Variants in PCDH15 observed in about 807,000 individuals in gnomAD.
PCDH15 encodes protocadherin related 15, also known as protocadherin-15.
A neutral mutation model predicts 178.5 loss-of-function variants in PCDH15; 129 were observed. The observed-to-expected ratio is 0.72, with a 90% confidence interval of 0.63 to 0.84. The LOEUF (loss-of-function observed/expected upper bound fraction) is 0.84, where lower values mean the gene tolerates loss of function less well. Ranked by LOEUF, PCDH15 falls within the 40% of genes least tolerant of loss-of-function variation. The probability of loss-of-function intolerance (pLI) is 0.00; values close to 1 mark genes in which losing one functional copy is unlikely to be tolerated. For missense variants in PCDH15, 2,230 were observed against 2,099.9 expected, an observed-to-expected ratio of 1.06 and a Z score of -1.21; for synonymous variants, 800 against 732.0, an observed-to-expected ratio of 1.09 and a Z score of -1.50.
At chr10:54,335,721 A>G (rs970959543) in intron 6 of PCDH15, among the ~76,000 whole-genome samples, 1 of 152,088 alleles carries the variant, frequency 6.6e-6, no homozygotes, top group Non-Finnish European at 1.5e-5. Flanking sequence ...TTCTTTATAC[A>G]TTACCCAGTC....
At chr10:54,036,844 A>G (rs2093428532) in intron 18 of PCDH15, among the ~76,000 whole-genome samples, 1 of 152,016 alleles carries the variant, frequency 6.6e-6, no homozygotes, top group African/African-American at 2.4e-5. Context: ...TCTTATGGAA[A>G]TGATTCACCA....
intron 2 of PCDH15, among the ~76,000 whole-genome samples, chr10:55,075,172 A>G (rs931892518): frequency 2.6e-5 from 4 of 151,808 alleles, no homozygotes; most frequent in Non-Finnish European, 5.9e-5. Flanking sequence ...CTTTATCCAA[A>G]CTTGGTAGGG....
At chr10:54,152,284 G>C (rs1311627269) in intron 14 of PCDH15, among the ~76,000 whole-genome samples, 1 of 152,092 alleles carries the variant, frequency 6.6e-6, no homozygotes, top group African/African-American at 2.4e-5. Context: ...TATTCAAACT[G>C]ATGCATGTTG....
At chr10:54,459,749 A>G (rs143617552) in intron 3 of PCDH15, among the ~76,000 whole-genome samples, 40 of 152,308 alleles carry the variant, frequency 2.6e-4, no homozygotes, top group Admixed American at 6.5e-4. Context: ...AATCTATTCC[A>G]GTGCTCAGAT....
intron 6 of PCDH15, among the ~76,000 whole-genome samples, chr10:54,337,904 T>C (rs1171751578): frequency 6.6e-6 from 1 of 152,228 alleles, no homozygotes; most frequent in African/African-American, 2.4e-5. Flanking sequence ...CTGAAATGTG[T>C]CTTAGCTTGA....
At chr10:54,897,821 T>C (rs1003953237) in intron 2 of PCDH15, among the ~76,000 whole-genome samples, 1 of 152,200 alleles carries the variant, frequency 6.6e-6, no homozygotes, top group Non-Finnish European at 1.5e-5. Flanking sequence ...ATGGAAATAA[T>C]GCATAAGGCA....
chr10:54,165,188 C>CAGA (rs35785693), intron 13 of PCDH15, among the ~76,000 whole-genome samples: 1 of 151,880 alleles, frequency 6.6e-6, no homozygotes, highest in Admixed American at 6.6e-5. Context: ...TGCTTTAAAG[C>CAGA]CAAAAAGCAT....
rs1589692280 is a variant in PCDH15, at chr10:53,970,943, G to A, written c.2869-9051C>T. 6.6e-5 allele frequency among the ~76,000 whole-genome samples: 10 copies of A among 152,276 alleles called. No individual in the cohort carries two copies. In the East Asian group the frequency reaches 7.7e-4, roughly 12 times the overall value. Reference sequence around the variant, plus strand: ...AATCCTCCCTAACTCATTTTATGAAGTCAGCATCATCCTGATACTAAAGCT... The same window carrying A: ...AATCCTCCCTAACTCATTTTATGAAATCAGCATCATCCTGATACTAAAGCT... On this transcript the variant is annotated intron_variant, in intron 21 of 37. Coordinates refer to ENST00000644397, the MANE Select transcript of PCDH15 (RefSeq NM_001384140.1).
Position 53,840,356 on chromosome 10 carries a change from T to G in PCDH15, c.3947A>C (p.Gln1316Pro). 1 of 1,614,170 alleles carries G rather than the reference T, an allele frequency of 6.2e-7. No homozygotes were observed. The highest frequency in any genetic ancestry group is 2.2e-5 in the East Asian group (1 of 44,874). Residue 1316 changes from glutamine to proline, a missense_variant, in exon 29 of 38, where the codon CAA (glutamine) becomes CCA (proline). Transcript: ENST00000644397. ...CDLTVYAIDP[Q>P]TNRAIDRNEL... Reference sequence around the variant, plus strand: ...ATTTCTATCGATGGCTCTGTTGGTTTGGGGGTCAATTGCATAGACAGTCAA... The same window carrying G: ...ATTTCTATCGATGGCTCTGTTGGTTGGGGGGTCAATTGCATAGACAGTCAA...
chr10:54,219,272 C>G (rs1398047358), intron 9 of PCDH15, among the ~76,000 whole-genome samples: 2 of 94,988 alleles, frequency 2.1e-5, no homozygotes, highest in Non-Finnish European at 3.8e-5. Context: ...GAGACTTTGT[C>G]TCAAAAAAAA....
intron 2 of PCDH15, among the ~76,000 whole-genome samples, chr10:54,937,391 A>G (rs1837934968): frequency 6.6e-6 from 1 of 152,058 alleles, no homozygotes; most frequent in Admixed American, 6.5e-5. Flanking sequence ...CTGAAATCAT[A>G]GATCAATTAA....
chr10:55,104,300 G>T (rs1360463375), intron 2 of PCDH15, among the ~76,000 whole-genome samples: 4 of 151,784 alleles, frequency 2.6e-5, no homozygotes, highest in Non-Finnish European at 4.4e-5. Context: ...GAACTTGTCT[G>T]CTGCGTCTTG....
intron 13 of PCDH15, among the ~76,000 whole-genome samples, chr10:54,162,173 G>A (rs1320468309): frequency 6.6e-6 from 1 of 151,732 alleles, no homozygotes; most frequent in African/African-American, 2.4e-5. Flanking sequence ...CATCATTTGA[G>A]TAACTTTCTT....
intron 3 of PCDH15, among the ~76,000 whole-genome samples, chr10:54,439,245 CTT>C (rs2075640768): frequency 6.6e-6 from 1 of 151,764 alleles, no homozygotes; most frequent in African/African-American, 2.4e-5. Flanking sequence ...GCTAAATAAA[CTT>C]AAAGTTTAAG....
chr10:53,991,966 C>A (rs193169321), intron 21 of PCDH15, among the ~76,000 whole-genome samples: 1 of 152,092 alleles, frequency 6.6e-6, no homozygotes, highest in Admixed American at 6.5e-5. Context: ...CTCGGGTCCC[C>A]TTCCACCCTG....
chr10:53,958,963 A>G (rs1267103605), intron 23 of PCDH15, among the ~76,000 whole-genome samples: 1 of 127,180 alleles, frequency 7.9e-6, no homozygotes, highest in Non-Finnish European at 1.6e-5. Flanking sequence ...TGGGCAACAG[A>G]GCAAGACTCC....
At chr10:54,452,559 A>G (rs1206471497) in intron 3 of PCDH15, 1 of 152,122 alleles carries the variant, frequency 6.6e-6, no homozygotes, top group African/African-American at 2.4e-5. Flanking sequence ...AGAACACAAG[A>G]TAAAGAGAAT....
chr10:53,898,026 G>A (rs1394857822), intron 26 of PCDH15, among the ~76,000 whole-genome samples: 1 of 139,916 alleles, frequency 7.1e-6, no homozygotes, highest in African/African-American at 2.7e-5. Flanking sequence ...GAGTGCAGTG[G>A]CGTGATTTCG....
intron 2 of PCDH15, among the ~76,000 whole-genome samples, chr10:54,563,519 A>G (rs2088535616): frequency 6.6e-6 from 1 of 152,206 alleles, no homozygotes; most frequent in African/African-American, 2.4e-5. Flanking sequence ...TTTCTGGAAG[A>G]GTCTAAGTTA....
Sources: gnomAD v4.1 joint callset for allele counts (sites outside exome capture counted in the v4.1 genomes callset) on GRCh38, gnomAD v4.1.1 for gene constraint, MANE v1.5 for transcripts, NCBI Gene and HGNC (gene_info 2026-07-23, HGNC 2026-07-21) for gene names.